KCNQ4: variants seen among roughly 807,000 people sequenced by gnomAD.
KCNQ4 encodes the protein potassium voltage-gated channel subfamily Q member 4.
In KCNQ4, 31 loss-of-function variants were observed where a neutral mutation model predicts 72.6. The ratio of observed to expected loss-of-function variants is 0.43; its 90% CI spans 0.32 to 0.58. The LOEUF (loss-of-function observed/expected upper bound fraction) is 0.58, where lower values mean the gene tolerates loss of function less well. Ranked by LOEUF, KCNQ4 falls within the 20% of genes least tolerant of loss-of-function variation. The pLI is 0.08. For synonymous variants in KCNQ4, 405 were observed against 403.7 expected (o/e 1.00, Z -0.04); for missense variants, 869 against 962.6 (o/e 0.90, Z 1.29).
chr1:40,822,165 C>G, intron 7 of KCNQ4, 149 bp from the exon 8 acceptor site: 1 of 690,710 alleles, frequency 1.4e-6, no homozygotes. Flanking sequence ...TTCTTGGCTG[C>G]CCCTGTCAGT....
intron 1 of KCNQ4, among the ~76,000 whole-genome samples, chr1:40,800,768 G>A (rs1222335518): frequency 3.9e-5 from 6 of 152,210 alleles, no homozygotes; most frequent in Non-Finnish European, 1.5e-5. Flanking sequence ...AGGAGTAAGC[G>A]GGTAGGAACA....
At position 40,822,419 on chromosome 1, in the gene KCNQ4, G is replaced by T; in HGVS notation, c.1130+17G>T. ...ATCCTTCAGGTAGGTCCTGCTGGGG[G>T]TGGGGGTGGGTGGGGGGCTGGCAGC... On this transcript the variant is annotated intron_variant, in intron 8 of 13. Transcript: ENST00000347132. The T allele has an allele frequency of 4.2e-6, 6 of 1,415,228 alleles. No homozygotes were observed. In the South Asian group the frequency reaches 7.1e-5, roughly 17 times the overall value. The allele number at this position is 1,415,228 out of a possible 1,614,324, so 87.7% of individuals were successfully genotyped here. A position where few individuals can be genotyped will look rare whatever the true frequency, so the allele number is the denominator to read the frequency against.
At chr1:40,818,803 G>A in intron 4 of KCNQ4, 123 bp downstream of exon 4, 1 of 1,135,782 alleles carries the variant, frequency 8.8e-7, no homozygotes, top group Non-Finnish European at 1.3e-6. Context: ...GTGGCCTGCG[G>A]GGGTTGGAGC....
In KCNQ4 at chr1:40,840,232, C is replaced by G. The variant is rs1043298100; in HGVS notation, c.*1709C>G. 6.6e-6 allele frequency: 1 copy of G among 152,448 alleles called. No individual in the cohort carries two copies. The highest frequency in any genetic ancestry group is 6.5e-5 in the Admixed American group (1 of 15,284). The allele number at this position is 152,448 out of a possible 1,614,324, so 9.4% of individuals were successfully genotyped here. ...ATGGAGCCACTCCTGGCTCACCCCA[C>G]CTGCACTGCACTGTCCCCAGAGAGC... On this transcript the variant is annotated 3_prime_UTR_variant, in exon 14 of 14. Coordinates refer to ENST00000347132, the MANE Select transcript of KCNQ4 (RefSeq NM_004700.4).
At position 40,838,400 on chromosome 1, in the gene KCNQ4, G is replaced by C; in HGVS notation, c.1965G>C (p.Val655=). The C allele has an allele frequency of 6.2e-7, 1 of 1,614,086 alleles. No homozygotes were observed. The highest frequency in any genetic ancestry group is 8.5e-7 in the Non-Finnish European group (1 of 1,179,952). The part of the protein sequence containing the change: ...RSGTSASLGA[V]QVPLFDPDIT... ...GCACCTCGGCCAGCCTGGGCGCCGT[G>C]CAAGTGCCGCTGTTCGACCCCGACA... Residue 655 remains valine, a synonymous_variant, in exon 14 of 14, where the codon GTG becomes GTC. Coordinates refer to ENST00000347132, the MANE Select transcript of KCNQ4 (RefSeq NM_004700.4).
intron 5 of KCNQ4, among the ~76,000 whole-genome samples, 192 bp from the exon 6 acceptor site, chr1:40,819,683 C>A (rs1648224528): frequency 6.6e-6 from 1 of 151,926 alleles, no homozygotes; most frequent in African/African-American, 2.4e-5. Context: ...CCCCGCACAT[C>A]AAGACCTTGT....
chr1:40,824,528 A>G (rs1373679542), intron 9 of KCNQ4, among the ~76,000 whole-genome samples: 2 of 152,130 alleles, frequency 1.3e-5, no homozygotes, highest in Non-Finnish European at 2.9e-5. Context: ...TCCTCCGTTC[A>G]TGGCATTGTC....
At chr1:40,837,547 C>A (rs1648839538) in intron 12 of KCNQ4, 118 bp from the exon 13 acceptor site, 8 of 1,326,570 alleles carry the variant, frequency 6.0e-6, no homozygotes, top group Non-Finnish European at 7.2e-6. Context: ...GCAATGGCCC[C>A]TTCCCTCAGA....
At position 40,822,361 on chromosome 1, in the gene KCNQ4, A is replaced by T; in HGVS notation, c.1089A>T (p.Thr363=). The T allele has an allele frequency of 7.1e-7, 1 of 1,404,398 alleles. No homozygotes were observed. Among genetic ancestry groups the T allele is most frequent in the South Asian group, 1.1e-5 (1 of 88,354 alleles). 87.0% of individuals were successfully genotyped at this position (1,404,398 alleles called of 1,614,324 possible). A position where few individuals can be genotyped will look rare whatever the true frequency, so the allele number is the denominator to read the frequency against. ...YSTDMSRAYL[T]ATWYYYDSIL... is the part of the protein sequence containing the mutation. ...CCGATATGAGCCGGGCCTACCTGAC[A>T]GCCACCTGGTACTACTATGACAGTA... Residue 363 remains threonine (T), a synonymous_variant, in exon 8 of 14, where the codon ACA becomes ACT. Transcript: ENST00000347132.
chr1:40,829,950 G>A (rs576537320), intron 9 of KCNQ4, among the ~76,000 whole-genome samples: 5 of 152,338 alleles, frequency 3.3e-5, no homozygotes, highest in African/African-American at 7.2e-5. Flanking sequence ...TGGTTAACCA[G>A]GGCTTGTCCT....
At position 40,833,055 on chromosome 1, in the gene KCNQ4, T is replaced by C. The variant is rs781634436; in HGVS notation, c.1555T>C (p.Cys519Arg). Residue 519 changes from cysteine (C) to arginine (R), a missense_variant, in exon 11 of 14, where the codon TGT becomes CGT. By Grantham distance (180) the Cys-to-Arg change is radical (BLOSUM62 -3). This residue lies in a region of KCNQ4 where 480 missense variants were observed against 501.9 expected (regional missense o/e 0.96). Coordinates refer to ENST00000347132, the MANE Select transcript of KCNQ4 (RefSeq NM_004700.4). ...EEVAEEKSYQ[C>R]ELTVDDIMPA... ...AGTAGCAGAGGAGAAGAGCTACCAG[T>C]GTGAGCTCACGGTGGACGACATCAT... The C allele has an allele frequency of 7.4e-6, 12 of 1,613,482 alleles. No homozygotes were observed. Among genetic ancestry groups the C allele is most frequent in the Non-Finnish European group, 1.0e-5 (12 of 1,179,990 alleles).
chr1:40,806,822 C>T (rs568931629), intron 1 of KCNQ4, among the ~76,000 whole-genome samples: 1 of 152,222 alleles, frequency 6.6e-6, no homozygotes, highest in African/African-American at 2.4e-5. Flanking sequence ...TGCCAACTTT[C>T]CTCTGTGGTT....
At position 40,817,256 on chromosome 1, in the gene KCNQ4, T is replaced by C. The variant is rs548061300; in HGVS notation, c.315-9T>C. ...CAATCTAACCCTCTCCCTCATGTTG[T>C]AATTGCAGATTTTTGCTGGTCTTCA... On this transcript the variant is annotated splice_polypyrimidine_tract_variant and intron_variant, in intron 1 of 13. Transcript: ENST00000347132. This position sits in a 1 kb window ranked among gnomAD's most constrained non-coding sequence, Gnocchi z 5.5. The C allele has an allele frequency of 1.2e-5, 19 of 1,612,122 alleles. No homozygotes were observed. The South Asian group carries it at 1.5e-4, about 13-fold the overall frequency.
Position 40,833,109 on chromosome 1 carries a change from A to G in KCNQ4, c.1609A>G (p.Ile537Val), listed in dbSNP as rs878984824. The part of the protein sequence containing the change: ...MPAVKTVIRS[I>V]RILKFLVAKR... Reference sequence around the variant, plus strand: ...TGCTGTGAAGACAGTCATCCGCTCCATCAGGTAAGACTGAGGCCTGAGGCG... The same window carrying G: ...TGCTGTGAAGACAGTCATCCGCTCCGTCAGGTAAGACTGAGGCCTGAGGCG... Residue 537 changes from isoleucine to valine, a missense_variant, in exon 11 of 14, where the codon ATC becomes GTC. Physicochemically the swap from Ile to Val is conservative, Grantham distance 29. This residue lies in a region of KCNQ4 where 480 missense variants were observed against 501.9 expected (regional missense o/e 0.96). Coordinates refer to ENST00000347132, the MANE Select transcript of KCNQ4 (RefSeq NM_004700.4). The G allele has an allele frequency of 6.2e-7, 1 of 1,610,264 alleles. No homozygotes were observed. The highest frequency in any genetic ancestry group is 1.7e-5 in the Admixed American group (1 of 60,010).
intron 9 of KCNQ4, among the ~76,000 whole-genome samples, chr1:40,824,943 G>A (rs1437012703): frequency 1.3e-5 from 2 of 152,180 alleles, no homozygotes; most frequent in African/African-American, 4.8e-5. Flanking sequence ...CTTTCCCCTT[G>A]AACTGTCTCT....
At chr1:40,790,101 G>A (rs976228605) in intron 1 of KCNQ4, among the ~76,000 whole-genome samples, 4 of 152,236 alleles carry the variant, frequency 2.6e-5, no homozygotes, top group Non-Finnish European at 4.4e-5. Flanking sequence ...GCTGTCCTGC[G>A]GGGAGTGAAG....
rs557001246 is a variant in KCNQ4 at position 40,838,193 on chromosome 1, T to G, written c.1876-118T>G. On this transcript the variant is annotated intron_variant, in intron 13 of 13. Transcript: ENST00000347132. ...CCACCTTTCCAGGCGGGATTTGTGC[T>G]TCCCAGATAAGCCCCGCCCACTCCA... 5 of 877,612 alleles carry G rather than the reference T, an allele frequency of 5.7e-6. No individual in the cohort carries two copies. The East Asian group carries it at 1.1e-4, about 18-fold the overall frequency. The allele number at this position is 877,612 out of a possible 1,614,324, so 54.4% of individuals were successfully genotyped here. A position where few individuals can be genotyped will look rare whatever the true frequency, so the allele number is the denominator to read the frequency against.
At position 40,838,901 on chromosome 1, in the gene KCNQ4, T is replaced by A; in HGVS notation, c.*378T>A. Reference sequence around the variant, plus strand: ...CAGCTTCCAGCTATGCAAGGTGAGGTCTCTGGCCCACCCTTCGGACACAGC... The same window carrying A: ...CAGCTTCCAGCTATGCAAGGTGAGGACTCTGGCCCACCCTTCGGACACAGC... On this transcript the variant is annotated 3_prime_UTR_variant, in exon 14 of 14. Coordinates refer to ENST00000347132, the MANE Select transcript of KCNQ4 (RefSeq NM_004700.4). 2.8e-6 allele frequency: 1 copy of A among 355,978 alleles called. No homozygotes were observed. The highest frequency in any genetic ancestry group is 5.4e-6 in the Non-Finnish European group (1 of 185,838). The allele number at this position is 355,978 out of a possible 1,614,324, so 22.1% of individuals were successfully genotyped here. A position where few individuals can be genotyped will look rare whatever the true frequency, so the allele number is the denominator to read the frequency against.
chr1:40,785,392 C>T (rs1207998672), intron 1 of KCNQ4, among the ~76,000 whole-genome samples: 1 of 152,174 alleles, frequency 6.6e-6, no homozygotes, highest in Admixed American at 6.5e-5. Context: ...ACCTCTGGTC[C>T]CTGGAAAATG....
Sources: gnomAD v4.1 joint callset for allele counts (sites outside exome capture counted in the v4.1 genomes callset) on GRCh38, gnomAD v4.1.1 for gene constraint, gnomAD v4.1.1 regional missense constraint, Gnocchi (gnomAD v3.1) non-coding constraint, MANE v1.5 for transcripts, NCBI Gene and HGNC (gene_info 2026-07-23, HGNC 2026-07-21) for gene names.